Variants in MMD observed in about 807,000 individuals in gnomAD.
MMD encodes monocyte to macrophage differentiation factor.
MMD carries 22 observed loss-of-function variants against 33.6 expected under a neutral mutation model. The ratio of observed to expected loss-of-function variants is 0.66; its 90% CI spans 0.47 to 0.94. The LOEUF (loss-of-function observed/expected upper bound fraction) is 0.94, where lower values mean the gene tolerates loss of function less well. MMD is among the 40% of genes least tolerant of loss of function. The pLI, the probability that MMD is intolerant of heterozygous loss-of-function variation, is 0.00. For missense variants in MMD, 242 were observed against 309.8 expected (o/e 0.78, Z 1.64); for synonymous variants, 97 against 103.2 (o/e 0.94, Z 0.36).
At chr17:55,409,801 C>T (rs1907691983) in intron 3 of MMD, among the ~76,000 whole-genome samples, 1 of 152,176 alleles carries the variant, frequency 6.6e-6, no homozygotes, top group African/African-American at 2.4e-5. Context: ...AAAATCTAGA[C>T]ATCGAAGCCA....
intron 3 of MMD, among the ~76,000 whole-genome samples, chr17:55,409,919 G>A (rs1296613074): frequency 1.3e-5 from 2 of 152,216 alleles, no homozygotes; most frequent in African/African-American, 4.8e-5. Flanking sequence ...AAGGAGCCAG[G>A]ACAGGCACTT....
chr17:55,400,539 C>T (rs1244950334), intron 6 of MMD, among the ~76,000 whole-genome samples: 3 of 132,178 alleles, frequency 2.3e-5, no homozygotes, highest in Non-Finnish European at 4.7e-5. Flanking sequence ...CAGAGCAAGA[C>T]TTTGTCTCAA....
At chr17:55,419,168 T>C (rs1908081910) in intron 1 of MMD, among the ~76,000 whole-genome samples, 1 of 152,252 alleles carries the variant, frequency 6.6e-6, no homozygotes, top group Non-Finnish European at 1.5e-5. Flanking sequence ...AACATTTATG[T>C]CTTCCAGAGT....
chr17:55,394,269 C>T lies in MMD; in HGVS notation c.*65G>A, dbSNP rs1200578576. 2.5e-6 allele frequency: 3 copies of T among 1,181,858 alleles called. No individual in the cohort carries two copies. Among genetic ancestry groups the T allele is most frequent in the South Asian group, 3.4e-5 (1 of 29,750 alleles). The allele number at this position is 1,181,858 out of a possible 1,614,324, so 73.2% of individuals were successfully genotyped here. The stretch of plus-strand genomic sequence containing the variant: ...TTTTCTTTCCCTGTGCAATGTTTAG[C>T]TCTCACCCCACTCCCAAGTGCCATA... On this transcript the variant is annotated 3_prime_UTR_variant, in exon 7 of 7. Transcript: ENST00000262065.
chr17:55,414,592 A>G (rs1907898490), intron 1 of MMD, among the ~76,000 whole-genome samples: 1 of 147,948 alleles, frequency 6.8e-6, no homozygotes, highest in Admixed American at 6.7e-5. Context: ...ACACACACAC[A>G]CACACACGGT....
At position 55,407,839 on chromosome 17, in the gene MMD, A is replaced by T. The variant is rs1017454869; in HGVS notation, c.270-19T>A. On this transcript the variant is annotated intron_variant, in intron 3 of 6. Transcript: ENST00000262065. Reference sequence around the variant, plus strand: ...CACTGTCCTAGCGAGGGGGAAAAAAAAGTAAATTTGTCAGAAAGTGTTCAG... The same window carrying T: ...CACTGTCCTAGCGAGGGGGAAAAAATAGTAAATTTGTCAGAAAGTGTTCAG... The T allele has an allele frequency of 1.3e-6, 2 of 1,540,520 alleles. No individual in the cohort carries two copies. Among genetic ancestry groups the T allele is most frequent in the African/African-American group, 2.8e-5 (2 of 70,792 alleles).
chr17:55,417,117 G>A (rs1907995874), intron 1 of MMD, among the ~76,000 whole-genome samples: 1 of 152,096 alleles, frequency 6.6e-6, no homozygotes, highest in Admixed American at 6.5e-5. Flanking sequence ...AAAGCACTGT[G>A]CCCACTGAGT....
intron 6 of MMD, among the ~76,000 whole-genome samples, chr17:55,398,831 C>T (rs932314871): frequency 6.6e-6 from 1 of 152,176 alleles, no homozygotes; most frequent in Non-Finnish European, 1.5e-5. Flanking sequence ...CATCTCTGAA[C>T]TCTGCTTGGT....
chr17:55,407,826 G>T lies in MMD; in HGVS notation c.270-6C>A. On this transcript the variant is annotated splice_polypyrimidine_tract_variant and splice_region_variant and intron_variant, in intron 3 of 6. Transcript: ENST00000262065. ...GAAAACAATGCTCCACTGTCCTAGCGAGGGGGAAAAAAAAGTAAATTTGTC... is the reference window on the plus strand; with the variant it reads ...GAAAACAATGCTCCACTGTCCTAGCTAGGGGGAAAAAAAAGTAAATTTGTC... The T allele has an allele frequency of 1.3e-6, 2 of 1,553,752 alleles. No individual in the cohort carries two copies. The highest frequency in any genetic ancestry group is 1.7e-6 in the Non-Finnish European group (2 of 1,159,080).
At chr17:55,399,339 G>C (rs1314429691) in intron 6 of MMD, among the ~76,000 whole-genome samples, 1 of 152,166 alleles carries the variant, frequency 6.6e-6, no homozygotes, top group African/African-American at 2.4e-5. Flanking sequence ...CAGAACCAAA[G>C]ATTCGCATTT....
chr17:55,406,408 C>G (rs9901187), intron 4 of MMD, among the ~76,000 whole-genome samples: 11,710 of 151,780 alleles, frequency 0.077, 735 homozygotes, highest in East Asian at 0.2. Flanking sequence ...AACCAACAAA[C>G]AAAGAAGCCA....
chr17:55,420,491 G>A (rs1908138024), intron 1 of MMD: 1 of 152,196 alleles, frequency 6.6e-6, no homozygotes, highest in South Asian at 2.1e-4. Flanking sequence ...CCCAGACCAT[G>A]GCAACTCTTC....
chr17:55,417,223 T>C (rs1907999532), intron 1 of MMD, among the ~76,000 whole-genome samples: 1 of 152,092 alleles, frequency 6.6e-6, no homozygotes, highest in Non-Finnish European at 1.5e-5. Context: ...CCATCAACAC[T>C]ACCTTCAAAA....
At chr17:55,401,351 T>C in intron 6 of MMD, 118 bp downstream of exon 6, 1 of 851,204 alleles carries the variant, frequency 1.2e-6, no homozygotes, top group Non-Finnish European at 1.8e-6. Flanking sequence ...TCTTTTTCTT[T>C]TGAGCCTCTA....
intron 4 of MMD, among the ~76,000 whole-genome samples, chr17:55,407,299 AAAATAAATAAATAAATAAATAAATAAAT>A (rs59882220): frequency 2.1e-5 from 3 of 142,578 alleles, no homozygotes; most frequent in Non-Finnish European, 4.5e-5. Flanking sequence ...ACTCCATCTC[AAAATAAATAAATAAATAAATAAATAAAT>A]AAATAAATAA....
intron 6 of MMD, among the ~76,000 whole-genome samples, chr17:55,397,365 C>G (rs991452707): frequency 4.0e-5 from 6 of 151,874 alleles, no homozygotes; most frequent in Non-Finnish European, 8.8e-5. Context: ...TTTGCCATGT[C>G]GGCTAGGCTG....
chr17:55,396,938 C>A (rs113649854), intron 6 of MMD, among the ~76,000 whole-genome samples: 1 of 152,080 alleles, frequency 6.6e-6, no homozygotes, highest in African/African-American at 2.4e-5. Flanking sequence ...CTACGGATTA[C>A]AGTGTGCATC....
chr17:55,401,070 C>A (rs1270869048), intron 6 of MMD, among the ~76,000 whole-genome samples: 2 of 152,172 alleles, frequency 1.3e-5, no homozygotes, highest in Non-Finnish European at 2.9e-5. Flanking sequence ...CAGGAAAGTA[C>A]CATAAAGACA....
chr17:55,400,892 C>T (rs1479555294), intron 6 of MMD, among the ~76,000 whole-genome samples: 7 of 151,588 alleles, frequency 4.6e-5, no homozygotes, highest in Non-Finnish European at 1.0e-4. Context: ...CGAAAATCCC[C>T]AAAAGATATT....
Sources: gnomAD v4.1 joint callset for allele counts (sites outside exome capture counted in the v4.1 genomes callset) on GRCh38, gnomAD v4.1.1 for gene constraint, MANE v1.5 for transcripts, NCBI Gene and HGNC (gene_info 2026-07-23, HGNC 2026-07-21) for gene names.